The following EBF1 variants were observed in gnomAD, a reference collection of about 807,000 sequenced individuals.
The protein encoded by EBF1 is transcription factor COE1.
In EBF1, 10 loss-of-function variants were observed where a neutral mutation model predicts 68.4. That is an observed-to-expected ratio of 0.15 (90% CI 0.09 to 0.25). The LOEUF is 0.25. Ranked by LOEUF, EBF1 falls within the 10% of genes least tolerant of loss-of-function variation. The probability of loss-of-function intolerance (pLI) is 1.00; values close to 1 mark genes in which losing one functional copy is unlikely to be tolerated. For missense variants in EBF1, 509 were observed against 794.4 expected (o/e 0.64, Z 4.32); for synonymous variants, 298 against 299.8 (o/e 0.99, Z 0.06).
At chr5:158,864,597 G>A (rs1285269186) in intron 6 of EBF1, among the ~76,000 whole-genome samples, 1 of 151,820 alleles carries the variant, frequency 6.6e-6, no homozygotes, top group Non-Finnish European at 1.5e-5. Context: ...GGGGAAAAAA[G>A]ACAAAAAACA....
intron 10 of EBF1, among the ~76,000 whole-genome samples, chr5:158,746,338 G>C (rs978953532): frequency 3.3e-4 from 50 of 152,268 alleles, no homozygotes; most frequent in African/African-American, 1.2e-3. Context: ...ATCAGTACAA[G>C]CTTTCTGGAG....
intron 6 of EBF1, among the ~76,000 whole-genome samples, chr5:158,954,350 C>T (rs1382289254): frequency 2.6e-5 from 4 of 152,178 alleles, no homozygotes; most frequent in African/African-American, 9.7e-5. Flanking sequence ...TCCAAATGTG[C>T]CAGCAACGGT....
At chr5:158,731,241 C>G in intron 10 of EBF1, 84 bp from the exon 11 acceptor site, 1 of 1,269,366 alleles carries the variant, frequency 7.9e-7, no homozygotes. Flanking sequence ...GTGGAAATAA[C>G]CAGGAAGTCC....
At chr5:158,990,233 A>G (rs761888797) in intron 6 of EBF1, among the ~76,000 whole-genome samples, 61 of 152,168 alleles carry the variant, frequency 4.0e-4, no homozygotes, top group Non-Finnish European at 7.6e-4. Context: ...GTGATGGAGC[A>G]CACTGTGGGG....
chr5:158,814,136 G>T (rs1023963139), intron 8 of EBF1, among the ~76,000 whole-genome samples: 1 of 152,120 alleles, frequency 6.6e-6, no homozygotes. Flanking sequence ...GCTTAAGCCC[G>T]GGCATTGAAG....
intron 3 of EBF1, 110 bp downstream of exon 3, chr5:159,096,233 A>C (rs2089757826): frequency 8.4e-7 from 1 of 1,187,904 alleles, no homozygotes; most frequent in Non-Finnish European, 1.2e-6. Context: ...ACCTCAAATA[A>C]AGCGGATGAC....
At chr5:158,821,280 G>T (rs1404137699) in intron 8 of EBF1, among the ~76,000 whole-genome samples, 3 of 152,172 alleles carry the variant, frequency 2.0e-5, no homozygotes, top group Non-Finnish European at 4.4e-5. Flanking sequence ...TGGGGTTCCT[G>T]GTACCTATTT....
intron 6 of EBF1, among the ~76,000 whole-genome samples, chr5:159,050,898 C>T (rs1226069534): frequency 3.3e-5 from 5 of 152,158 alleles, no homozygotes; most frequent in Non-Finnish European, 7.3e-5. Context: ...ACTTTAGAGC[C>T]TTTGACACAT....
chr5:158,724,447 G>A lies in EBF1; in HGVS notation c.1125+6622C>T, dbSNP rs145584556. On this transcript the variant is annotated intron_variant, in intron 11 of 15. Coordinates refer to ENST00000313708, the MANE Select transcript of EBF1 (RefSeq NM_024007.5). The stretch of plus-strand genomic sequence containing the variant: ...ATCTCCCTTTCTGCTAGGAGGCAAC[G>A]TGGTTATGCAAAGATATCTTATTTG... Among the ~76,000 whole-genome samples the A allele has an allele frequency of 5.9e-3, 906 of 152,314 alleles. 7 individuals carry two copies. Among genetic ancestry groups the A allele is most frequent in the Non-Finnish European group, 0.011 (737 of 68,036 alleles).
chr5:158,993,602 T>C (rs1371453286), intron 6 of EBF1, among the ~76,000 whole-genome samples: 1 of 152,098 alleles, frequency 6.6e-6, no homozygotes, highest in Non-Finnish European at 1.5e-5. Flanking sequence ...GGGCAAGTCA[T>C]TTCACTACTC....
intron 6 of EBF1, among the ~76,000 whole-genome samples, chr5:159,043,055 T>G: frequency 6.6e-6 from 1 of 152,050 alleles, no homozygotes; most frequent in Admixed American, 6.5e-5. Flanking sequence ...TACTGTCTAA[T>G]TGAATCAGGT....
chr5:158,999,259 G>GA (rs1561752733), intron 6 of EBF1, among the ~76,000 whole-genome samples: 2 of 152,160 alleles, frequency 1.3e-5, no homozygotes. Flanking sequence ...CCAAGCAACG[G>GA]AGACATAACT....
At chr5:158,978,831 C>CAG (rs1272823090) in intron 6 of EBF1, among the ~76,000 whole-genome samples, 155 of 113,212 alleles carry the variant, frequency 1.4e-3, no homozygotes, top group Middle Eastern at 9.2e-3. Flanking sequence ...CACACACACA[C>CAG]ACACAGAGAG....
chr5:158,745,508 C>G (rs1252045985), intron 10 of EBF1, among the ~76,000 whole-genome samples: 2 of 152,146 alleles, frequency 1.3e-5, no homozygotes, highest in African/African-American at 2.4e-5. Flanking sequence ...TGTCGTGTAT[C>G]TTTACCAAGT....
At chr5:158,880,706 G>C (rs902767613) in intron 6 of EBF1, among the ~76,000 whole-genome samples, 10 of 152,168 alleles carry the variant, frequency 6.6e-5, no homozygotes, top group African/African-American at 2.4e-4. Flanking sequence ...AAATAAGAAC[G>C]GTGTTCGGTT....
At chr5:158,798,561 T>G (rs184855230) in intron 8 of EBF1, among the ~76,000 whole-genome samples, 2 of 152,196 alleles carry the variant, frequency 1.3e-5, no homozygotes, top group African/African-American at 4.8e-5. Context: ...GGCCAAGACC[T>G]GCTGGTTTTG....
intron 6 of EBF1, among the ~76,000 whole-genome samples, chr5:158,904,333 G>A (rs1019866748): frequency 4.6e-5 from 7 of 152,204 alleles, no homozygotes; most frequent in South Asian, 2.1e-4. Context: ...TCCCAGCCAC[G>A]TGTGCTGCCA....
At chr5:158,851,624 CAGGGAAGAAAGGA>C (rs1183904844) in intron 6 of EBF1, among the ~76,000 whole-genome samples, 7 of 38,390 alleles carry the variant, frequency 1.8e-4, no homozygotes, top group Non-Finnish European at 3.2e-4. Flanking sequence ...AAGGAAAGGG[CAGGGAAGAAAGGA>C]AGGGAAGGAA....
At chr5:158,777,979 C>T (rs1008191523) in intron 9 of EBF1, among the ~76,000 whole-genome samples, 9 of 152,254 alleles carry the variant, frequency 5.9e-5, no homozygotes, top group South Asian at 2.1e-4. Context: ...TGATTAGCTG[C>T]GGAGTGCACG....
Sources: gnomAD v4.1 joint callset for allele counts (sites outside exome capture counted in the v4.1 genomes callset) on GRCh38, gnomAD v4.1.1 for gene constraint, MANE v1.5 for transcripts, NCBI Gene and HGNC (gene_info 2026-07-23, HGNC 2026-07-21) for gene names.